The following NEMP2 variants were observed in gnomAD, a reference collection of about 807,000 sequenced individuals.
NEMP2 encodes the protein nuclear envelope integral membrane protein 2.
A neutral mutation model predicts 54.2 loss-of-function variants in NEMP2; 53 were observed. The ratio of observed to expected loss-of-function variants is 0.98; its 90% CI spans 0.78 to 1.23. NEMP2 has a LOEUF of 1.23. NEMP2 is among the 50% of genes most tolerant of loss of function. The probability of loss-of-function intolerance (pLI) is 0.00; values close to 1 mark genes in which losing one functional copy is unlikely to be tolerated. For missense variants in NEMP2, 455 were observed against 511.3 expected (o/e 0.89, Z 1.06); for synonymous variants, 197 against 190.3 (o/e 1.04, Z -0.29).
Position 190,510,392 on chromosome 2 carries a change from G to A in NEMP2, c.1099C>T (p.Leu367=). The part of the protein sequence containing the change: ...ACRKPDFPSW[L]VVSRLHTPSK... Reference sequence around the variant, plus strand: ...GGAGTGTGGAGTCTGGAGACGACCAGCCATGAGGGAAAGTCGGGTTTTCGG... The same window carrying A: ...GGAGTGTGGAGTCTGGAGACGACCAACCATGAGGGAAAGTCGGGTTTTCGG... The change falls in exon 8 of 9, where the codon CTG becomes TTG. Residue 367 remains leucine (L), a synonymous_variant. Transcript: ENST00000409150. This position sits in a 1 kb window ranked among gnomAD's most constrained non-coding sequence, Gnocchi z 5.7. 1 of 1,551,744 alleles carries A rather than the reference G, an allele frequency of 6.4e-7. No individual in the cohort carries two copies. Among genetic ancestry groups the A allele is most frequent in the South Asian group, 1.2e-5 (1 of 84,064 alleles).
chr2:190,520,742 T>C lies in NEMP2; in HGVS notation c.214-1559A>G, dbSNP rs749887326. Among the ~76,000 whole-genome samples the C allele has an allele frequency of 1.3e-5, 2 of 152,162 alleles. No homozygotes were observed. The highest frequency in any genetic ancestry group is 4.8e-5 in the African/African-American group (2 of 41,414). ...CACTCCATGGCCATATCCTGGACCT[T>C]GTCAGTACCAGACTGCAGCCCCTCC... On this transcript the variant is annotated intron_variant, in intron 2 of 8. Coordinates refer to ENST00000409150, the MANE Select transcript of NEMP2 (RefSeq NM_001142645.2). The surrounding 1 kb of genome is among the most constrained non-coding windows in gnomAD (Gnocchi z 5.4).
the NEMP2 span, among the ~76,000 whole-genome samples, chr2:190,578,421 G>A: frequency 6.6e-6 from 1 of 152,160 alleles, no homozygotes; most frequent in Non-Finnish European, 1.5e-5. The surrounding 1 kb of genome is among the most constrained non-coding windows in gnomAD (Gnocchi z 4.4). Context: ...GACAGCTCCA[G>A]ATTACAAATG....
chr2:190,447,166 A>G, the NEMP2 span, among the ~76,000 whole-genome samples: 1 of 152,068 alleles, frequency 6.6e-6, no homozygotes, highest in Non-Finnish European at 1.5e-5. The surrounding 1 kb of genome is among the most constrained non-coding windows in gnomAD (Gnocchi z 4.5). Flanking sequence ...CTGACATGGA[A>G]TTATTTTAAC....
chr2:190,518,070 C>T (rs1042546717), intron 4 of NEMP2, among the ~76,000 whole-genome samples: 4 of 152,132 alleles, frequency 2.6e-5, no homozygotes, highest in Non-Finnish European at 4.4e-5. Context: ...ACATTAAACA[C>T]ACTTGGTAAT....
At chr2:190,447,965 A>T in the NEMP2 span, among the ~76,000 whole-genome samples, 1 of 152,194 alleles carries the variant, frequency 6.6e-6, no homozygotes, top group African/African-American at 2.4e-5. This position sits in a 1 kb window ranked among gnomAD's most constrained non-coding sequence, Gnocchi z 4.5. Flanking sequence ...TAAGAAGAAA[A>T]GGCCATTGTT....
At position 190,531,788 on chromosome 2, in the gene NEMP2, G is replaced by A. The variant is rs1691153629; in HGVS notation, c.97+2771C>T. 6.6e-6 allele frequency among the ~76,000 whole-genome samples: 1 copy of A among 151,908 alleles called. No homozygotes were observed. The highest frequency in any genetic ancestry group is 1.5e-5 in the Non-Finnish European group (1 of 68,002). Reference sequence around the variant, plus strand: ...TGTAAGTATATGTTTAAGTTAAAGAGTTGAGTCATATATACGGAAAAAAAA... The same window carrying A: ...TGTAAGTATATGTTTAAGTTAAAGAATTGAGTCATATATACGGAAAAAAAA... On this transcript the variant is annotated intron_variant, in intron 1 of 8. Transcript: ENST00000409150. This position sits in a 1 kb window ranked among gnomAD's most constrained non-coding sequence, Gnocchi z 4.7.
At chr2:190,463,715 G>C in the NEMP2 span, 4 of 196,808 alleles carry the variant, frequency 2.0e-5, no homozygotes, top group Admixed American at 6.5e-5. The surrounding 1 kb of genome is among the most constrained non-coding windows in gnomAD (Gnocchi z 4.4). Context: ...AGCTACTTGG[G>C]GGGCTGAGGT....
the NEMP2 span, among the ~76,000 whole-genome samples, chr2:190,574,714 CTCTT>C: frequency 1.7e-4 from 25 of 150,420 alleles, 1 homozygote; most frequent in East Asian, 4.9e-3. Flanking sequence ...TTTTTTCTTT[CTCTT>C]TCTTTCTTTC....
At chr2:190,640,488 T>C in the NEMP2 span, among the ~76,000 whole-genome samples, 1 of 152,192 alleles carries the variant, frequency 6.6e-6, no homozygotes, top group Non-Finnish European at 1.5e-5. Flanking sequence ...GAAAATACAA[T>C]AATAGATAGA....
the NEMP2 span, among the ~76,000 whole-genome samples, chr2:190,547,559 T>C: frequency 6.6e-6 from 1 of 152,214 alleles, no homozygotes. The surrounding 1 kb of genome is among the most constrained non-coding windows in gnomAD (Gnocchi z 6.2). Flanking sequence ...GGAGTTTTGC[T>C]CTGTCACCCA....
At chr2:190,441,675 A>G in the NEMP2 span, among the ~76,000 whole-genome samples, 1 of 151,914 alleles carries the variant, frequency 6.6e-6, no homozygotes, top group Non-Finnish European at 1.5e-5. Flanking sequence ...CTCTCTCTGT[A>G]GCTTTCTCCA....
At chr2:190,643,341 G>A in the NEMP2 span, among the ~76,000 whole-genome samples, 2 of 152,210 alleles carry the variant, frequency 1.3e-5, no homozygotes, top group East Asian at 1.9e-4. Context: ...TGATCTTCAA[G>A]GAAGTTAAAC....
the NEMP2 span, chr2:190,435,964 T>A: frequency 6.6e-7 from 1 of 1,515,970 alleles, no homozygotes; most frequent in Non-Finnish European, 8.8e-7. Flanking sequence ...ATCTTTTAAA[T>A]TTTACTTTAC....
At chr2:190,459,373 C>T in the NEMP2 span, among the ~76,000 whole-genome samples, 1 of 152,158 alleles carries the variant, frequency 6.6e-6, no homozygotes, top group Non-Finnish European at 1.5e-5. This position sits in a 1 kb window ranked among gnomAD's most constrained non-coding sequence, Gnocchi z 5.3. Context: ...TTAAAATTAA[C>T]GGCTATGCCA....
At chr2:190,614,788 C>T in the NEMP2 span, among the ~76,000 whole-genome samples, 2 of 152,226 alleles carry the variant, frequency 1.3e-5, no homozygotes, top group Admixed American at 6.5e-5. This position sits in a 1 kb window ranked among gnomAD's most constrained non-coding sequence, Gnocchi z 5.7. Context: ...AGCCCTATGG[C>T]TTCCCTTAGC....
At chr2:190,449,716 G>A in the NEMP2 span, among the ~76,000 whole-genome samples, 118 of 152,220 alleles carry the variant, frequency 7.8e-4, no homozygotes, top group Admixed American at 2.9e-3. Flanking sequence ...CCTTTGTAGG[G>A]ACATGGATGA....
At chr2:190,423,976 C>T in the NEMP2 span, among the ~76,000 whole-genome samples, 9 of 152,180 alleles carry the variant, frequency 5.9e-5, no homozygotes, top group East Asian at 1.7e-3. The surrounding 1 kb of genome is among the most constrained non-coding windows in gnomAD (Gnocchi z 4.3). Flanking sequence ...GTTTTTTGTC[C>T]ATTTTCTAAT....
chr2:190,546,500 G>A, the NEMP2 span, among the ~76,000 whole-genome samples: 3 of 152,090 alleles, frequency 2.0e-5, no homozygotes, highest in East Asian at 1.9e-4. This position sits in a 1 kb window ranked among gnomAD's most constrained non-coding sequence, Gnocchi z 5.1. Flanking sequence ...ACTGAGGGAC[G>A]ACTATACTTC....
the NEMP2 span, among the ~76,000 whole-genome samples, chr2:190,457,142 G>A: frequency 6.6e-6 from 1 of 152,136 alleles, no homozygotes; most frequent in Non-Finnish European, 1.5e-5. This position sits in a 1 kb window ranked among gnomAD's most constrained non-coding sequence, Gnocchi z 5.1. Context: ...TTTCATGTAG[G>A]GAGCTTGGAG....
Sources: allele counts gnomAD v4.1 joint callset (sites outside exome capture counted in the v4.1 genomes callset), GRCh38; gene constraint gnomAD v4.1.1; non-coding constraint Gnocchi (gnomAD v3.1); transcripts MANE v1.5; gene names NCBI Gene and HGNC (gene_info 2026-07-23, HGNC 2026-07-21).